ANO1: variants seen among roughly 807,000 people sequenced by gnomAD.
ANO1 encodes anoctamin 1, also known as anoctamin-1.
ANO1 carries 59 observed loss-of-function variants against 124.0 expected under a neutral mutation model. The observed-to-expected ratio is 0.48, with a 90% CI of 0.39 to 0.59. ANO1 has a LOEUF of 0.59. Among genes scored for constraint, ANO1 ranks in the 20% least tolerant of loss-of-function variants. ANO1 has a pLI of 0.00. For missense variants in ANO1, 1,059 were observed against 1,328.0 expected, an observed-to-expected ratio of 0.80 and a Z score of 3.15; for synonymous variants, 529 against 532.0, an observed-to-expected ratio of 0.99 and a Z score of 0.08.
intron 7 of ANO1, 133 bp downstream of exon 7, chr11:70,111,895 T>C (rs2045797261): frequency 4.3e-6 from 4 of 930,002 alleles, no homozygotes; most frequent in Admixed American, 3.8e-5. Context: ...AAATGTCAAC[T>C]GTACACAGGC....
rs2044094241 is a variant in ANO1 at position 70,078,411 on chromosome 11, A to C, written c.-196A>C. On this transcript the variant is annotated 5_prime_UTR_variant, in exon 1 of 26. Coordinates refer to ENST00000355303, the MANE Select transcript of ANO1 (RefSeq NM_018043.7). Reference sequence around the variant, plus strand: ...CCCGAGAGGCTCAGGCGCCCCCCGCATCGAGCGCGCGGGCCGGGCGGGCCA... The same window carrying C: ...CCCGAGAGGCTCAGGCGCCCCCCGCCTCGAGCGCGCGGGCCGGGCGGGCCA... 6.7e-6 allele frequency: 1 copy of C among 149,446 alleles called. No homozygotes were observed. The allele number at this position is 149,446 out of a possible 1,614,324, so 9.3% of individuals were successfully genotyped here.
chr11:70,182,789 G>T, intron 24 of ANO1, 103 bp downstream of exon 24: 2 of 1,038,096 alleles, frequency 1.9e-6, no homozygotes, highest in Non-Finnish European at 1.3e-6. Flanking sequence ...ATGAAACAAC[G>T]CAAACTTGCT....
Position 70,088,014 on chromosome 11 carries a change from A to T in ANO1, c.371A>T (p.Lys124Met). 1 of 1,539,162 alleles carries T rather than the reference A, an allele frequency of 6.5e-7. No homozygotes were observed. The highest frequency in any genetic ancestry group is 1.3e-5 in the South Asian group (1 of 79,318). ...CCGATGGACTACCACGAGGATGACA[A>T]GCGCTTCCGCAGGGAGGAGTACGAG... The part of the protein sequence containing the change: ...EPPMDYHEDD[K>M]RFRREEYEGN... The change falls in exon 2 of 26, where the codon AAG becomes ATG. Residue 124 changes from lysine (K) to methionine (M), a missense_variant. Physicochemically the swap from Lys to Met is moderately conservative, Grantham distance 95 (BLOSUM62 -1). Coordinates refer to ENST00000355303, the MANE Select transcript of ANO1 (RefSeq NM_018043.7).
At chr11:70,007,048 T>G (rs1856505565) in intron 1 of ANO1, among the ~76,000 whole-genome samples, 1 of 152,152 alleles carries the variant, frequency 6.6e-6, no homozygotes, top group African/African-American at 2.4e-5. Flanking sequence ...ATGCACATGA[T>G]GCTGTGCATA....
chr11:70,073,717 A>G (rs1300824630), upstream of ANO1, among the ~76,000 whole-genome samples: 2 of 152,104 alleles, frequency 1.3e-5, no homozygotes, highest in Non-Finnish European at 2.9e-5. Context: ...GGTGAGCTTT[A>G]AAGCTCTTGG....
intron 1 of ANO1, among the ~76,000 whole-genome samples, chr11:70,008,080 C>G (rs963941998): frequency 2.0e-5 from 3 of 151,512 alleles, no homozygotes; most frequent in Non-Finnish European, 4.4e-5. Flanking sequence ...TCTATTAATT[C>G]TCTTGCTCAT....
intron 1 of ANO1, among the ~76,000 whole-genome samples, chr11:70,045,921 C>T (rs782038340): frequency 6.6e-5 from 10 of 152,210 alleles, no homozygotes; most frequent in Non-Finnish European, 1.3e-4. Flanking sequence ...CCTCACCCCT[C>T]CATCCAGTCT....
At chr11:70,147,823 A>G (rs1478813126) in intron 11 of ANO1, among the ~76,000 whole-genome samples, 7 of 151,978 alleles carry the variant, frequency 4.6e-5, no homozygotes, top group Non-Finnish European at 7.4e-5. Flanking sequence ...CTGTCCTGCC[A>G]TCCTGAAACG....
At chr11:70,185,192 C>G (rs1169208239) in intron 24 of ANO1, among the ~76,000 whole-genome samples, 39 of 152,208 alleles carry the variant, frequency 2.6e-4, no homozygotes, top group Admixed American at 2.6e-3. Context: ...CAAGTAGGCT[C>G]TGCACTCTTG....
chr11:70,167,393 T>G lies in ANO1; in HGVS notation c.2197+6T>G. 6.2e-7 allele frequency: 1 copy of G among 1,609,190 alleles called. No homozygotes were observed. Among genetic ancestry groups the G allele is most frequent in the Non-Finnish European group, 8.5e-7 (1 of 1,177,684 alleles). On this transcript the variant is annotated splice_donor_region_variant and intron_variant, in intron 21 of 25. Transcript: ENST00000355303. Reference sequence around the variant, plus strand: ...CCCAGAGTACATGGAAATGAGTGAGTGATGGCCGGGGCAGGCAGGTGACAT... The same window carrying G: ...CCCAGAGTACATGGAAATGAGTGAGGGATGGCCGGGGCAGGCAGGTGACAT...
chr11:70,149,875 G>C (rs2047531701), intron 12 of ANO1, 83 bp downstream of exon 12: 1 of 1,485,428 alleles, frequency 6.7e-7, no homozygotes, highest in Middle Eastern at 1.8e-4. Context: ...TTACACGGAG[G>C]CCCGAGGTCA....
intron 4 of ANO1, among the ~76,000 whole-genome samples, chr11:70,104,793 G>A (rs943173826): frequency 6.6e-6 from 1 of 152,280 alleles, no homozygotes; most frequent in African/African-American, 2.4e-5. Flanking sequence ...TGGAAGCTCT[G>A]GCGGGCAGGA....
chr11:70,116,430 G>A lies in ANO1; in HGVS notation c.856-28G>A, dbSNP rs369323555. 1.0e-5 allele frequency: 16 copies of A among 1,584,524 alleles called. No individual in the cohort carries two copies. In the African/African-American group the frequency reaches 1.7e-4, roughly 17 times the overall value. On this transcript the variant is annotated intron_variant, in intron 7 of 25. Transcript: ENST00000355303. ...CCTCCAAAGCTCCATTGGATGATAA[G>A]AACGTCCCTTTCCTCTTTTTTTAAC...
chr11:70,080,419 A>G (rs1210193684), intron 1 of ANO1, among the ~76,000 whole-genome samples: 1 of 152,194 alleles, frequency 6.6e-6, no homozygotes, highest in African/African-American at 2.4e-5. Context: ...AAAACATTGC[A>G]TACTCAAAGT....
rs1230804715 is a variant in ANO1 at position 70,015,239 on chromosome 11, G to A, written c.58+29073G>A. On this transcript the variant is annotated intron_variant, in intron 1 of 27. Coordinates refer to the ANO1 transcript ENST00000531349. ...GAAAATCCCCAAGCCACAGAGAAAG[G>A]CAGGTTAAATACCAGAGAGTTAATT... 4 of 152,158 alleles carry A rather than the reference G, an allele frequency of 2.6e-5. No individual in the cohort carries two copies. The South Asian group carries it at 6.2e-4, about 24-fold the overall frequency. 9.4% of individuals were successfully genotyped at this position (152,158 alleles called of 1,614,324 possible).
chr11:69,999,791 G>T (rs61886366), intron 1 of ANO1, among the ~76,000 whole-genome samples: 9,859 of 152,194 alleles, frequency 0.065, 437 homozygotes, highest in Non-Finnish European at 0.095. Flanking sequence ...AGGGACCCAC[G>T]TGCCTTACTG....
intron 1 of ANO1, among the ~76,000 whole-genome samples, chr11:70,011,038 C>T (rs1204131241): frequency 2.6e-5 from 4 of 152,188 alleles, no homozygotes; most frequent in African/African-American, 9.7e-5. Flanking sequence ...GGGATGTGCC[C>T]AGTGCCATGA....
At chr11:70,159,609 G>A (rs758918929) in intron 16 of ANO1, among the ~76,000 whole-genome samples, 14 of 152,334 alleles carry the variant, frequency 9.2e-5, no homozygotes, top group Non-Finnish European at 1.8e-4. Context: ...CTGGGGATGC[G>A]GGGGAGATGG....
intron 8 of ANO1, among the ~76,000 whole-genome samples, chr11:70,124,037 G>C (rs2046393776): frequency 6.6e-6 from 1 of 152,138 alleles, no homozygotes; most frequent in South Asian, 2.1e-4. Flanking sequence ...CAAAACCCTG[G>C]TGACTTTGTG....
Sources: gnomAD v4.1 joint callset for allele counts (sites outside exome capture counted in the v4.1 genomes callset) on GRCh38, gnomAD v4.1.1 for gene constraint, MANE v1.5 for transcripts, NCBI Gene and HGNC (gene_info 2026-07-23, HGNC 2026-07-21) for gene names.